The following CXADR variants were observed in gnomAD, a reference collection of about 807,000 sequenced individuals.
The protein encoded by CXADR is coxsackievirus and adenovirus receptor.
Under a neutral mutation model 40.3 loss-of-function variants are expected in CXADR, and 20 were observed. The ratio of observed to expected loss-of-function variants is 0.50; its 90% CI spans 0.35 to 0.72. The LOEUF is 0.72. CXADR is among the 30% of genes least tolerant of loss of function. CXADR has a pLI of 0.01. For missense variants in CXADR, 332 were observed against 449.1 expected, an observed-to-expected ratio of 0.74 and a Z score of 2.36; for synonymous variants, 150 against 161.3, an observed-to-expected ratio of 0.93 and a Z score of 0.53.
intron 3 of CXADR, among the ~76,000 whole-genome samples, chr21:17,552,332 G>A (rs1312046959): frequency 6.6e-6 from 1 of 152,162 alleles, no homozygotes; most frequent in Non-Finnish European, 1.5e-5. Flanking sequence ...GAATGGAGAT[G>A]AAGAAATATG....
intron 7 of CXADR, among the ~76,000 whole-genome samples, chr21:17,588,073 G>C (rs1346512368): frequency 6.6e-6 from 1 of 152,110 alleles, no homozygotes; most frequent in Non-Finnish European, 1.5e-5. Context: ...TGAGGGCTCT[G>C]TTCTGTTCGA....
chr21:17,621,111 A>C, the CXADR span, among the ~76,000 whole-genome samples: 1 of 152,234 alleles, frequency 6.6e-6, no homozygotes, highest in Non-Finnish European at 1.5e-5. Flanking sequence ...TATAAATATT[A>C]AGCACATTCA....
At chr21:17,537,301 T>C (rs2060771139) in intron 1 of CXADR, among the ~76,000 whole-genome samples, 1 of 152,246 alleles carries the variant, frequency 6.6e-6, no homozygotes. Flanking sequence ...TTTGTAAATG[T>C]ACCGTCATTC....
intron 7 of CXADR, chr21:17,576,899 G>A (rs2061325894): frequency 6.6e-6 from 1 of 151,378 alleles, no homozygotes; most frequent in Non-Finnish European, 1.5e-5. Flanking sequence ...GCACTTGACT[G>A]GTCTTTATTT....
chr21:17,579,573 T>C (rs1490562949), intron 7 of CXADR, among the ~76,000 whole-genome samples: 3 of 152,120 alleles, frequency 2.0e-5, no homozygotes, highest in East Asian at 1.9e-4. Context: ...CGTGAGCCAC[T>C]GCGCCCCGCC....
At chr21:17,532,989 T>C (rs2123176452) in intron 1 of CXADR, among the ~76,000 whole-genome samples, 1 of 152,282 alleles carries the variant, frequency 6.6e-6, no homozygotes, top group Middle Eastern at 3.4e-3. Flanking sequence ...TGTTGGGAGC[T>C]GGACTCAGAG....
At chr21:17,514,663 C>T (rs1376008414) in intron 1 of CXADR, among the ~76,000 whole-genome samples, 2 of 149,054 alleles carry the variant, frequency 1.3e-5, no homozygotes, top group Non-Finnish European at 3.0e-5. Context: ...AATGGAGTTT[C>T]GCTCTTGTTG....
At chr21:17,543,070 A>G in intron 1 of CXADR, 1 of 346,740 alleles carries the variant, frequency 2.9e-6, no homozygotes, top group Non-Finnish European at 5.7e-6. Flanking sequence ...CATTTTTTGA[A>G]AGAAAAACAA....
At chr21:17,558,652 T>G (rs1458052929) in intron 3 of CXADR, among the ~76,000 whole-genome samples, 1 of 152,146 alleles carries the variant, frequency 6.6e-6, no homozygotes, top group Admixed American at 6.5e-5. Context: ...TCCTTGACTC[T>G]CAAGTGGTCT....
intron 1 of CXADR, among the ~76,000 whole-genome samples, chr21:17,540,338 A>G (rs530295892): frequency 6.6e-6 from 1 of 152,140 alleles, no homozygotes; most frequent in Non-Finnish European, 1.5e-5. Context: ...TATTCTATTA[A>G]TATATTTATT....
chr21:17,561,051 T>C (rs537884503), intron 5 of CXADR, among the ~76,000 whole-genome samples: 2 of 152,352 alleles, frequency 1.3e-5, no homozygotes, highest in East Asian at 3.8e-4. Flanking sequence ...TTGTACCATA[T>C]TTAGCTGTTA....
chr21:17,591,592 AACTT>A (rs1244051765), intron 7 of CXADR, among the ~76,000 whole-genome samples: 6 of 148,266 alleles, frequency 4.0e-5, no homozygotes, highest in South Asian at 2.1e-4. Context: ...AATGTGATAG[AACTT>A]ACTAAAACTT....
At chr21:17,629,264 C>T in the CXADR span, among the ~76,000 whole-genome samples, 1 of 151,780 alleles carries the variant, frequency 6.6e-6, no homozygotes, top group African/African-American at 2.4e-5. Flanking sequence ...CCTGTAGTCC[C>T]AGCTGCTCAG....
chr21:17,568,585 G>A lies in CXADR; in HGVS notation c.*2893G>A. The A allele has an allele frequency of 2.1e-6, 2 of 971,776 alleles. No homozygotes were observed. The highest frequency in any genetic ancestry group is 9.6e-5 in the South Asian group (2 of 20,938). The allele number at this position is 971,776 out of a possible 1,614,324, so 60.2% of individuals were successfully genotyped here. On this transcript the variant is annotated 3_prime_UTR_variant, in exon 7 of 7. Coordinates refer to ENST00000284878, the MANE Select transcript of CXADR (RefSeq NM_001338.5). Reference sequence around the variant, plus strand: ...TTTTTTTTTTTTTTTAAGAGATAGGGTTTCACTATTGCTCAGGCTGGTCTC... The same window carrying A: ...TTTTTTTTTTTTTTTAAGAGATAGGATTTCACTATTGCTCAGGCTGGTCTC...
At chr21:17,530,795 C>T (rs922372050) in intron 1 of CXADR, among the ~76,000 whole-genome samples, 12 of 152,112 alleles carry the variant, frequency 7.9e-5, no homozygotes, top group Non-Finnish European at 1.8e-4. Flanking sequence ...GCCTAGGCGA[C>T]AGAGCGAGAC....
At chr21:17,585,764 C>T (rs1287893702) in intron 7 of CXADR, among the ~76,000 whole-genome samples, 1 of 152,164 alleles carries the variant, frequency 6.6e-6, no homozygotes, top group Non-Finnish European at 1.5e-5. Flanking sequence ...ATGATCCGCC[C>T]GCCTTGGCCT....
At chr21:17,587,747 C>T (rs940623397) in intron 7 of CXADR, among the ~76,000 whole-genome samples, 17 of 151,674 alleles carry the variant, frequency 1.1e-4, no homozygotes, top group Non-Finnish European at 2.1e-4. Context: ...TTAATTAGAT[C>T]CCATTTGTCA....
chr21:17,567,929 A>T lies in CXADR; in HGVS notation c.*2237A>T. ...CCATATACTTCATATTTTAGAGGAC[A>T]TTGTTTTAAAGGCTTATGTCTCACT... On this transcript the variant is annotated 3_prime_UTR_variant, in exon 7 of 7. Transcript: ENST00000284878. 1 of 982,684 alleles carries T rather than the reference A, an allele frequency of 1.0e-6. No homozygotes were observed. Among genetic ancestry groups the T allele is most frequent in the African/African-American group, 1.7e-5 (1 of 57,152 alleles). 60.9% of individuals were successfully genotyped at this position (982,684 alleles called of 1,614,324 possible).
chr21:17,568,882 T>G lies in CXADR; in HGVS notation c.*3190T>G. On this transcript the variant is annotated 3_prime_UTR_variant, in exon 7 of 7. Coordinates refer to ENST00000284878, the MANE Select transcript of CXADR (RefSeq NM_001338.5). ...TTTGAGCTATCTGCCATGGACTTTC[T>G]AAAATGGAAACACAGCCTGAGTGTA... The G allele has an allele frequency of 1.0e-6, 1 of 985,358 alleles. No homozygotes were observed. Among genetic ancestry groups the G allele is most frequent in the Non-Finnish European group, 1.2e-6 (1 of 829,898 alleles). 61.0% of individuals were successfully genotyped at this position (985,358 alleles called of 1,614,324 possible).
Sources: allele counts gnomAD v4.1 joint callset (sites outside exome capture counted in the v4.1 genomes callset), GRCh38; gene constraint gnomAD v4.1.1; transcripts MANE v1.5; gene names NCBI Gene and HGNC (gene_info 2026-07-23, HGNC 2026-07-21).